Variants in ANO1 observed in about 807,000 individuals in gnomAD.
ANO1 encodes the protein anoctamin-1.
In ANO1, 59 loss-of-function variants were observed where a neutral mutation model predicts 124.0. That is an observed-to-expected ratio of 0.48 (90% CI 0.39 to 0.59). The LOEUF (loss-of-function observed/expected upper bound fraction) is 0.59. Ranked by LOEUF, ANO1 falls within the 20% of genes least tolerant of loss-of-function variation. ANO1 has a pLI of 0.00. For missense variants in ANO1, 1,059 were observed against 1,328.0 expected (o/e 0.80, Z 3.15); for synonymous variants, 529 against 532.0 (o/e 0.99, Z 0.08).
intron 8 of ANO1, among the ~76,000 whole-genome samples, chr11:70,117,475 A>C (rs1047919212): frequency 2.0e-5 from 3 of 151,302 alleles, no homozygotes; most frequent in Non-Finnish European, 4.4e-5. Flanking sequence ...CACCCTTCCC[A>C]CCCAGGCTCC....
At chr11:70,116,222 A>G (rs1359752927) in intron 7 of ANO1, among the ~76,000 whole-genome samples, 2 of 152,186 alleles carry the variant, frequency 1.3e-5, no homozygotes, top group Non-Finnish European at 2.9e-5. Context: ...GAGGCGGCTC[A>G]GGCCGTCCTG....
At chr11:70,075,585 C>A (rs1329949706), upstream of ANO1, 1 of 152,144 alleles carries the variant, frequency 6.6e-6, no homozygotes, top group Middle Eastern at 3.2e-3. Context: ...CCGGAGCTTC[C>A]CATAATGAAA....
rs563371998 is a variant in ANO1 at position 70,052,591 on chromosome 11, C to T, written c.59-25951C>T. On this transcript the variant is annotated intron_variant, in intron 1 of 27. Transcript: ENST00000531349. ...TTTTGAGACAGGGTTTTTTTCTTTT[C>T]GCCCAGGCTGGAGTGCAATGGCGCG... Among the ~76,000 whole-genome samples, 65 of 96,884 alleles carry T rather than the reference C, an allele frequency of 6.7e-4. 1 individual carries two copies. Among genetic ancestry groups the T allele is most frequent in the Non-Finnish European group, 1.1e-3 (55 of 50,524 alleles). 63.6% of individuals were successfully genotyped at this position (96,884 alleles called of 152,430 possible). A position where few individuals can be genotyped will look rare whatever the true frequency, so the allele number is the denominator to read the frequency against.
chr11:70,002,085 A>G (rs1219959691), intron 1 of ANO1, among the ~76,000 whole-genome samples: 15 of 152,156 alleles, frequency 9.9e-5, no homozygotes, highest in Admixed American at 8.5e-4. Context: ...AATCTGTGCT[A>G]TTACAATCTT....
At chr11:70,176,427 A>G (rs896503436) in intron 22 of ANO1, among the ~76,000 whole-genome samples, 2 of 152,172 alleles carry the variant, frequency 1.3e-5, no homozygotes, top group Non-Finnish European at 2.9e-5. Flanking sequence ...GATTACAGGC[A>G]TGAGCCACCA....
intron 10 of ANO1, among the ~76,000 whole-genome samples, chr11:70,126,428 A>T (rs1590805067): frequency 6.6e-6 from 1 of 152,256 alleles, no homozygotes; most frequent in African/African-American, 2.4e-5. Context: ...GTTAAGAGAA[A>T]GGCATAAAAG....
At chr11:70,089,265 A>T (rs765040394) in intron 2 of ANO1, among the ~76,000 whole-genome samples, 2 of 152,246 alleles carry the variant, frequency 1.3e-5, no homozygotes, top group Non-Finnish European at 2.9e-5. Context: ...TCCCCAGTGG[A>T]TGTTGAAAAT....
At chr11:70,095,307 A>G (rs61451302) in intron 2 of ANO1, among the ~76,000 whole-genome samples, 1,704 of 40,272 alleles carry the variant, frequency 0.042, 67 homozygotes, top group African/African-American at 0.081. Flanking sequence ...AAGGAAAGAA[A>G]GAAAGAAAGA....
At chr11:70,095,370 G>GGAAAGAGAAAGAA (rs2044866050) in intron 2 of ANO1, among the ~76,000 whole-genome samples, 1 of 30,316 alleles carries the variant, frequency 3.3e-5, no homozygotes, top group African/African-American at 9.4e-5. Flanking sequence ...AAGAAAGAAA[G>GGAAAGAGAAAGAA]AAAGAAAGAA....
chr11:70,052,531 C>CTTTTTTTTTTTTTT lies in ANO1; in HGVS notation c.59-25986_59-25973dup, dbSNP rs200770702. 3.3e-4 allele frequency among the ~76,000 whole-genome samples: 22 copies of CTTTTTTTTTTTTTT among 65,902 alleles called. 2 individuals are homozygous for CTTTTTTTTTTTTTT. The highest frequency in any genetic ancestry group is 5.6e-4 in the African/African-American group (10 of 17,836). The allele number at this position is 65,902 out of a possible 152,430, so 43.2% of individuals were successfully genotyped here. On this transcript the variant is annotated intron_variant, in intron 1 of 27. Coordinates refer to the ANO1 transcript ENST00000531349. ...TTTGGGGAGAATTTCTTTTTCTTTT[C>CTTTTTTTTTTTTTT]TTTTTTTTTTTTTTTTTTTTTTTTT...
intron 1 of ANO1, among the ~76,000 whole-genome samples, chr11:70,053,956 T>C (rs1261518161): frequency 6.6e-6 from 1 of 152,254 alleles, no homozygotes; most frequent in African/African-American, 2.4e-5. Context: ...GATTTTCCAA[T>C]GTATTTGAAT....
At chr11:70,006,635 T>TTCTTTCTTC (rs1555000112) in intron 1 of ANO1, among the ~76,000 whole-genome samples, 2 of 149,910 alleles carry the variant, frequency 1.3e-5, no homozygotes, top group African/African-American at 2.5e-5. Flanking sequence ...CTTCTTTCTT[T>TTCTTTCTTC]TCTTTCTTCT....
intron 2 of ANO1, among the ~76,000 whole-genome samples, chr11:70,095,008 TC>T (rs1190388408): frequency 6.6e-6 from 1 of 152,044 alleles, no homozygotes; most frequent in African/African-American, 2.4e-5. Context: ...GGAGATCAAG[TC>T]CAGCTTGGCC....
At chr11:70,012,350 TCATC>T (rs1313196106) in intron 1 of ANO1, among the ~76,000 whole-genome samples, 3 of 147,596 alleles carry the variant, frequency 2.0e-5, no homozygotes, top group Non-Finnish European at 4.5e-5. Context: ...ATCCTTTCCT[TCATC>T]CATCCATCCA....
chr11:70,101,744 G>A (rs978633412), intron 2 of ANO1, among the ~76,000 whole-genome samples: 1 of 152,170 alleles, frequency 6.6e-6, no homozygotes, highest in Non-Finnish European at 1.5e-5. Context: ...TGCACCCGGA[G>A]GGGATGGATG....
At chr11:70,069,882 C>T (rs1404784250) in intron 1 of ANO1, among the ~76,000 whole-genome samples, 1 of 152,178 alleles carries the variant, frequency 6.6e-6, no homozygotes, top group Non-Finnish European at 1.5e-5. Context: ...GATCCCATGT[C>T]GGGTCCATTT....
chr11:70,124,453 C>T, intron 9 of ANO1, 39 bp downstream of exon 9: 1 of 1,594,362 alleles, frequency 6.3e-7, no homozygotes. Context: ...CAAGTCCCTA[C>T]TCCGATGGCA....
intron 11 of ANO1, among the ~76,000 whole-genome samples, chr11:70,144,296 C>T (rs1009663579): frequency 6.6e-6 from 1 of 152,134 alleles, no homozygotes; most frequent in Non-Finnish European, 1.5e-5. Context: ...CTTAGAGATG[C>T]GGGCCCTGCC....
intron 1 of ANO1, among the ~76,000 whole-genome samples, chr11:70,054,601 T>C (rs1398598334): frequency 6.6e-6 from 1 of 152,274 alleles, no homozygotes; most frequent in Non-Finnish European, 1.5e-5. Context: ...TAGCTTGATT[T>C]ATAACTTAAC....
Sources: allele counts gnomAD v4.1 joint callset (sites outside exome capture counted in the v4.1 genomes callset), GRCh38; gene constraint gnomAD v4.1.1; transcripts MANE v1.5; gene names NCBI Gene and HGNC (gene_info 2026-07-23, HGNC 2026-07-21).